Variants in RANBP2 observed in about 807,000 individuals in gnomAD.
RANBP2 encodes E3 SUMO-protein ligase RanBP2.
In RANBP2, 57 loss-of-function variants were observed where a neutral mutation model predicts 303.6. The observed-to-expected ratio is 0.19, with a 90% confidence interval of 0.15 to 0.23. RANBP2 has a LOEUF of 0.23. Among genes scored for constraint, RANBP2 ranks in the 10% least tolerant of loss-of-function variants. RANBP2 has a pLI of 1.00. For missense variants in RANBP2, 3,138 were observed against 3,780.8 expected (o/e 0.83, Z 4.46); for synonymous variants, 1,167 against 1,301.5 (o/e 0.90, Z 2.23).
chr2:109,107,560 C>T, the RANBP2 span, among the ~76,000 whole-genome samples: 6 of 152,116 alleles, frequency 3.9e-5, no homozygotes, highest in African/African-American at 1.2e-4. Flanking sequence ...TACCTTCATT[C>T]AGATATTACT....
At chr2:109,207,630 C>T in the RANBP2 span, among the ~76,000 whole-genome samples, 8 of 151,982 alleles carry the variant, frequency 5.3e-5, no homozygotes, top group African/African-American at 1.7e-4. Context: ...AGATTGTTTC[C>T]AGGGGTGCAG....
the RANBP2 span, among the ~76,000 whole-genome samples, chr2:109,160,488 C>G: frequency 2.8e-3 from 425 of 152,346 alleles, 2 homozygotes; most frequent in African/African-American, 9.4e-3. Flanking sequence ...AGCTGAAAGA[C>G]CCTCTGGCAG....
chr2:109,397,125 A>T, the RANBP2 span, among the ~76,000 whole-genome samples: 1 of 151,830 alleles, frequency 6.6e-6, no homozygotes, highest in Non-Finnish European at 1.5e-5. Context: ...CCAAACCCAA[A>T]ACAGTACCCT....
the RANBP2 span, among the ~76,000 whole-genome samples, chr2:109,408,188 GC>G: frequency 1.3e-5 from 2 of 152,162 alleles, no homozygotes; most frequent in African/African-American, 2.4e-5. Flanking sequence ...CCACCGGTAG[GC>G]CCCATGGGAC....
At chr2:109,485,872 A>T in the RANBP2 span, among the ~76,000 whole-genome samples, 4 of 152,334 alleles carry the variant, frequency 2.6e-5, no homozygotes, top group South Asian at 6.2e-4. Flanking sequence ...GCCTCATCGC[A>T]AGCCTCCAGT....
chr2:109,046,317 GA>G, the RANBP2 span, among the ~76,000 whole-genome samples: 51 of 143,744 alleles, frequency 3.5e-4, no homozygotes, highest in East Asian at 3.4e-3. Flanking sequence ...AAAAAAAAAA[GA>G]AAAAAAATCT....
At chr2:109,053,912 G>A in the RANBP2 span, among the ~76,000 whole-genome samples, 7 of 151,970 alleles carry the variant, frequency 4.6e-5, no homozygotes, top group African/African-American at 1.4e-4. Flanking sequence ...CCCACTGCCA[G>A]CGCAGTCCAG....
chr2:109,369,285 G>A, the RANBP2 span, among the ~76,000 whole-genome samples: 1 of 152,100 alleles, frequency 6.6e-6, no homozygotes, highest in Non-Finnish European at 1.5e-5. Context: ...GGAGGTGGAG[G>A]TTGCAGTGAG....
rs1675926521 is a variant in RANBP2, at chr2:108,752,055, C to T, written c.1755+61C>T. Reference sequence around the variant, plus strand: ...TACCTTAATTTTTTAAAATCATGAACTTTTTATTGAAAGTTTTTTTGTTCT... The same window carrying T: ...TACCTTAATTTTTTAAAATCATGAATTTTTTATTGAAAGTTTTTTTGTTCT... On this transcript the variant is annotated intron_variant, in intron 12 of 28. Transcript: ENST00000283195. The T allele has an allele frequency of 3.1e-6, 5 of 1,602,420 alleles. No homozygotes were observed. The South Asian group carries it at 3.4e-5, about 11-fold the overall frequency.
the RANBP2 span, among the ~76,000 whole-genome samples, chr2:109,633,019 G>C: frequency 6.6e-6 from 1 of 152,128 alleles, no homozygotes; most frequent in Admixed American, 6.6e-5. Flanking sequence ...AACTACGTTA[G>C]GCAGGGTTTT....
At chr2:109,251,642 G>A in the RANBP2 span, 15 of 1,374,310 alleles carry the variant, frequency 1.1e-5, no homozygotes, top group Admixed American at 6.7e-5. Flanking sequence ...GCCTTGGAAC[G>A]AGTATAAATA....
intron 4 of RANBP2, among the ~76,000 whole-genome samples, chr2:108,734,663 TGGA>T (rs1483306928): frequency 6.6e-6 from 1 of 151,976 alleles, no homozygotes; most frequent in African/African-American, 2.4e-5. Flanking sequence ...TGTCATGTGG[TGGA>T]GAAGTATATT....
the RANBP2 span, among the ~76,000 whole-genome samples, chr2:109,632,840 C>G: frequency 6.6e-6 from 1 of 151,472 alleles, no homozygotes; most frequent in African/African-American, 2.4e-5. Flanking sequence ...CAAAACAAAA[C>G]AAAGCAAAAC....
chr2:109,102,593 A>G, the RANBP2 span, among the ~76,000 whole-genome samples: 1 of 152,186 alleles, frequency 6.6e-6, no homozygotes. Context: ...CTCCCTTGAC[A>G]TAACTCTTCG....
chr2:109,013,518 C>T, the RANBP2 span, among the ~76,000 whole-genome samples: 2 of 151,798 alleles, frequency 1.3e-5, no homozygotes, highest in Admixed American at 6.6e-5. Context: ...GCTCCGGTGA[C>T]GTTGCAATAA....
chr2:109,033,986 G>A, the RANBP2 span, among the ~76,000 whole-genome samples: 1 of 150,904 alleles, frequency 6.6e-6, no homozygotes, highest in African/African-American at 2.4e-5. Flanking sequence ...GGTTCAGCCA[G>A]GTGTGTTGGC....
At chr2:109,161,734 T>C in the RANBP2 span, among the ~76,000 whole-genome samples, 3 of 151,810 alleles carry the variant, frequency 2.0e-5, no homozygotes, top group Admixed American at 2.0e-4. Flanking sequence ...AGGCTTTTTG[T>C]AACAACCAGC....
chr2:108,817,508 G>T, the RANBP2 span, among the ~76,000 whole-genome samples: 1 of 152,008 alleles, frequency 6.6e-6, no homozygotes, highest in Non-Finnish European at 1.5e-5. Flanking sequence ...GGCCAGGATA[G>T]TCTTGATCTC....
At chr2:109,561,628 T>A in the RANBP2 span, among the ~76,000 whole-genome samples, 15 of 152,186 alleles carry the variant, frequency 9.9e-5, no homozygotes, top group Non-Finnish European at 1.8e-4. Context: ...ACTCTTCACC[T>A]GAATATTTAA....
Sources: gnomAD v4.1 joint callset for allele counts (sites outside exome capture counted in the v4.1 genomes callset) on GRCh38, gnomAD v4.1.1 for gene constraint, MANE v1.5 for transcripts, NCBI Gene and HGNC (gene_info 2026-07-23, HGNC 2026-07-21) for gene names.